Variants in CSMD3 observed in about 807,000 individuals in gnomAD.
The protein encoded by CSMD3 is CUB and Sushi multiple domains 3, also known as CUB and sushi domain-containing protein 3.
A neutral mutation model predicts 435.2 loss-of-function variants in CSMD3; 177 were observed. That is an observed-to-expected ratio of 0.41 (90% CI 0.36 to 0.46). The LOEUF (loss-of-function observed/expected upper bound fraction) is 0.46, where lower values mean the gene tolerates loss of function less well. Among genes scored for constraint, CSMD3 ranks in the 20% least tolerant of loss-of-function variants. The probability of loss-of-function intolerance (pLI) is 0.34; values close to 1 mark genes in which losing one functional copy is unlikely to be tolerated. For missense variants in CSMD3, 4,265 were observed against 4,504.6 expected (o/e 0.95, Z 1.52); for synonymous variants, 1,656 against 1,520.5 (o/e 1.09, Z -2.07).
At chr8:112,880,625 C>T (rs2081419989) in intron 10 of CSMD3, among the ~76,000 whole-genome samples, 1 of 152,008 alleles carries the variant, frequency 6.6e-6, no homozygotes, top group South Asian at 2.1e-4. Context: ...CATCTAAGGT[C>T]GTTGGGATTT....
At chr8:112,958,662 T>C (rs1368704800) in intron 7 of CSMD3, among the ~76,000 whole-genome samples, 1 of 152,238 alleles carries the variant, frequency 6.6e-6, no homozygotes, top group Non-Finnish European at 1.5e-5. Flanking sequence ...AGTCATTATT[T>C]GAAATGATTT....
At chr8:112,953,260 A>G (rs2130825204) in intron 8 of CSMD3, among the ~76,000 whole-genome samples, 1 of 151,652 alleles carries the variant, frequency 6.6e-6, no homozygotes, top group East Asian at 1.9e-4. Context: ...TTTCATGATG[A>G]CCTGAAGAAA....
intron 1 of CSMD3, among the ~76,000 whole-genome samples, chr8:113,415,085 A>C (rs1022701197): frequency 6.6e-6 from 1 of 152,178 alleles, no homozygotes; most frequent in African/African-American, 2.4e-5. Flanking sequence ...AAAAATACCG[A>C]AGAAGCTATG....
rs2083668278 is a variant in CSMD3, at chr8:112,947,829, C to G, written c.1469G>C (p.Gly490Ala). Residue 490 changes from glycine (G) to alanine (A), a missense_variant, in exon 9 of 71, where the codon GGA becomes GCA. This residue lies in a region of CSMD3 where 731 missense variants were observed against 755.4 expected (regional missense o/e 0.97). Coordinates refer to ENST00000297405, the MANE Select transcript of CSMD3 (RefSeq NM_198123.2). ...GATTCTCTTCCCATTTTCTGGTTCT[C>G]CTGGATCTGGGCATAAATTGGAAGC... ...KTASNLCPDP[G>A]EPENGKRIGS... is the part of the protein sequence containing the mutation. The G allele has an allele frequency of 6.5e-7, 1 of 1,539,002 alleles. No homozygotes were observed. Among genetic ancestry groups the G allele is most frequent in the African/African-American group, 1.4e-5 (1 of 73,268 alleles).
At chr8:113,296,061 A>C (rs1259128538) in intron 2 of CSMD3, among the ~76,000 whole-genome samples, 1 of 151,532 alleles carries the variant, frequency 6.6e-6, no homozygotes, top group Non-Finnish European at 1.5e-5. Context: ...AAAACCAAAC[A>C]TTGCATGTTC....
chr8:113,227,839 C>A (rs915890155), intron 3 of CSMD3, among the ~76,000 whole-genome samples: 2 of 151,404 alleles, frequency 1.3e-5, no homozygotes, highest in Non-Finnish European at 3.0e-5. Context: ...GAAAATGCAC[C>A]GATACAATAC....
intron 1 of CSMD3, among the ~76,000 whole-genome samples, chr8:113,383,416 C>T (rs949244536): frequency 1.3e-5 from 2 of 152,234 alleles, no homozygotes; most frequent in African/African-American, 4.8e-5. Flanking sequence ...TAGACTCTAA[C>T]ACAGGCATCA....
At chr8:112,966,861 T>A (rs867757549) in intron 7 of CSMD3, among the ~76,000 whole-genome samples, 1 of 151,938 alleles carries the variant, frequency 6.6e-6, no homozygotes, top group Non-Finnish European at 1.5e-5. Flanking sequence ...GTCACTCGTA[T>A]GGAATAAAGT....
intron 11 of CSMD3, among the ~76,000 whole-genome samples, chr8:112,850,004 G>A (rs1317275146): frequency 1.3e-5 from 2 of 152,032 alleles, no homozygotes; most frequent in Non-Finnish European, 2.9e-5. Context: ...TTCCTCATAT[G>A]AAAAATAGGG....
At chr8:113,384,208 A>G (rs2094429992) in intron 1 of CSMD3, among the ~76,000 whole-genome samples, 1 of 152,138 alleles carries the variant, frequency 6.6e-6, no homozygotes, top group African/African-American at 2.4e-5. Flanking sequence ...CTACTAACTG[A>G]AGTATTCTCA....
chr8:113,365,625 G>A (rs1339659427), intron 1 of CSMD3, among the ~76,000 whole-genome samples: 2 of 151,944 alleles, frequency 1.3e-5, no homozygotes, highest in Non-Finnish European at 2.9e-5. Flanking sequence ...ATAGACGTTG[G>A]CTGAGCTGTT....
chr8:112,410,143 C>A (rs1832200750), intron 32 of CSMD3, among the ~76,000 whole-genome samples: 1 of 151,760 alleles, frequency 6.6e-6, no homozygotes, highest in African/African-American at 2.4e-5. Context: ...CATATGAATT[C>A]AGGTATACAC....
intron 4 of CSMD3, among the ~76,000 whole-genome samples, chr8:113,138,719 T>C (rs2091476192): frequency 6.6e-6 from 1 of 151,270 alleles, no homozygotes; most frequent in African/African-American, 2.4e-5. Context: ...GACAGCTATA[T>C]TTGAATTTCA....
In CSMD3 at chr8:112,301,789, G is replaced by T. The variant is rs2130756510; in HGVS notation, c.8440+4C>A. On this transcript the variant is annotated splice_donor_region_variant and intron_variant, in intron 53 of 70. Transcript: ENST00000297405. Reference sequence around the variant, plus strand: ...TTTGACAAAAACAAATTAAAAATCTGTACCTAGGCATCTGGTTTCAGATTC... The same window carrying T: ...TTTGACAAAAACAAATTAAAAATCTTTACCTAGGCATCTGGTTTCAGATTC... 1 of 1,612,140 alleles carries T rather than the reference G, an allele frequency of 6.2e-7. No homozygotes were observed. Among genetic ancestry groups the T allele is most frequent in the Non-Finnish European group, 8.5e-7 (1 of 1,178,356 alleles).
chr8:112,874,505 T>TA (rs1344339164), intron 10 of CSMD3, among the ~76,000 whole-genome samples: 5 of 152,134 alleles, frequency 3.3e-5, no homozygotes, highest in African/African-American at 1.2e-4. Flanking sequence ...AGTGGAGTGT[T>TA]AAAGTCTTCC....
At chr8:112,266,146 C>T (rs1816924548) in intron 59 of CSMD3, among the ~76,000 whole-genome samples, 1 of 152,110 alleles carries the variant, frequency 6.6e-6, no homozygotes, top group Admixed American at 6.6e-5. Flanking sequence ...ATGATGTTTC[C>T]AGCCCAAAAT....
chr8:112,952,294 C>G (rs999420390), intron 8 of CSMD3, among the ~76,000 whole-genome samples: 1 of 151,598 alleles, frequency 6.6e-6, no homozygotes, highest in Non-Finnish European at 1.5e-5. Context: ...TACACACATA[C>G]TTTGGCAGTT....
At chr8:112,641,438 T>C (rs1246991636) in intron 20 of CSMD3, among the ~76,000 whole-genome samples, 1 of 152,150 alleles carries the variant, frequency 6.6e-6, no homozygotes, top group Non-Finnish European at 1.5e-5. Context: ...ACCAAAATTT[T>C]AATCATTCTG....
intron 64 of CSMD3, 48 bp downstream of exon 64, chr8:112,246,972 T>C (rs1586524922): frequency 7.7e-7 from 1 of 1,300,078 alleles, no homozygotes; most frequent in Non-Finnish European, 1.1e-6. Context: ...AAAAAATGCA[T>C]ATAAATTCTT....
Sources: allele counts gnomAD v4.1 joint callset (sites outside exome capture counted in the v4.1 genomes callset), GRCh38; gene constraint gnomAD v4.1.1; regional missense constraint gnomAD v4.1.1; transcripts MANE v1.5; gene names NCBI Gene and HGNC (gene_info 2026-07-23, HGNC 2026-07-21).